SERPINB13: variants seen among roughly 807,000 people sequenced by gnomAD.
The protein encoded by SERPINB13 is serpin family B member 13, also known as serpin B13.
A neutral mutation model predicts 31.2 loss-of-function variants in SERPINB13; 26 were observed. That is an observed-to-expected ratio of 0.83 (90% CI 0.61 to 1.15). SERPINB13 has a LOEUF of 1.15. SERPINB13 is among the 50% of genes most tolerant of loss of function. SERPINB13 has a pLI of 0.00. For missense variants in SERPINB13, 510 were observed against 469.4 expected, an observed-to-expected ratio of 1.09 and a Z score of -0.80; for synonymous variants, 191 against 172.4, an observed-to-expected ratio of 1.11 and a Z score of -0.85.
chr18:63,590,872 G>C (rs912026482), intron 3 of SERPINB13, among the ~76,000 whole-genome samples: 1 of 152,190 alleles, frequency 6.6e-6, no homozygotes, highest in African/African-American at 2.4e-5. Context: ...ATACATCTTA[G>C]AGGTCATCTA....
chr18:63,587,810 C>T lies in SERPINB13; in HGVS notation c.-18+360C>T, dbSNP rs1039809964. On this transcript the variant is annotated intron_variant, in intron 1 of 7. Transcript: ENST00000344731. ...TCTTGTTTTAGGATTCCTCCTAAAG[C>T]CTTTACTTACTAGTTTTAAAGTAGT... 3.9e-4 allele frequency among the ~76,000 whole-genome samples: 59 copies of T among 152,290 alleles called. 1 individual carries two copies. The highest frequency in any genetic ancestry group is 1.3e-3 in the African/African-American group (54 of 41,564).
At chr18:63,593,123 A>G (rs1020091056) in intron 5 of SERPINB13, 152 bp downstream of exon 5, 7 of 589,376 alleles carry the variant, frequency 1.2e-5, no homozygotes, top group Non-Finnish European at 2.1e-5. Flanking sequence ...AAGGGACTTG[A>G]GATAGGTTTT....
In SERPINB13 at chr18:63,591,408, T is replaced by TTTCC. The variant is rs796398994; in HGVS notation, c.226-919_226-916dup. Among the ~76,000 whole-genome samples the TTTCC allele has an allele frequency of 4.0e-3, 471 of 118,776 alleles. 1 individual carries two copies. Among genetic ancestry groups the TTTCC allele is most frequent in the African/African-American group, 0.011 (405 of 37,870 alleles). The allele number at this position is 118,776 out of a possible 152,430, so 77.9% of individuals were successfully genotyped here. A position where few individuals can be genotyped will look rare whatever the true frequency, so the allele number is the denominator to read the frequency against. On this transcript the variant is annotated intron_variant, in intron 3 of 7. Coordinates refer to ENST00000344731, the MANE Select transcript of SERPINB13 (RefSeq NM_012397.4). ...CCTTCCCTCCTTCCTTCCTTTTTTC[T>TTTCC]TTCCTTCCTTCCTTCCTTCCTTCCC...
At chr18:63,594,987 C>T in intron 6 of SERPINB13, 42 bp from the exon 7 acceptor site, 1 of 1,563,642 alleles carries the variant, frequency 6.4e-7, no homozygotes, top group African/African-American at 1.4e-5. Context: ...TGCCTTTGGT[C>T]TTATGTCCTT....
At chr18:63,589,957 A>G in intron 3 of SERPINB13, 1 of 709,430 alleles carries the variant, frequency 1.4e-6, no homozygotes, top group East Asian at 3.2e-5. Context: ...TACCGCTATG[A>G]TAGAACTGGT....
At chr18:63,590,374 G>A (rs576584022) in intron 3 of SERPINB13, among the ~76,000 whole-genome samples, 2 of 152,144 alleles carry the variant, frequency 1.3e-5, no homozygotes, top group Non-Finnish European at 2.9e-5. Context: ...CTCAGGAAGG[G>A]CACAGCTGCT....
intron 1 of SERPINB13, 34 bp from the exon 2 acceptor site, chr18:63,588,617 T>A (rs748239100): frequency 6.3e-7 from 1 of 1,592,184 alleles, no homozygotes; most frequent in Non-Finnish European, 8.6e-7. Context: ...GTAATTCAAA[T>A]GTTCAGTTTT....
chr18:63,589,082 C>T (rs961586300), intron 2 of SERPINB13, among the ~76,000 whole-genome samples: 3 of 152,050 alleles, frequency 2.0e-5, no homozygotes, highest in East Asian at 1.9e-4. Context: ...GTAACCTTGT[C>T]CAAGTACTTA....
Position 63,594,489 on chromosome 18 carries a change from A to G in SERPINB13, c.607A>G (p.Met203Val). The change falls in exon 6 of 8, where the codon ATG becomes GTG. Residue 203 changes from methionine (M) to valine (V), a missense_variant. Met to Val is a conservative substitution (Grantham distance 21, BLOSUM62 1). Coordinates refer to ENST00000344731, the MANE Select transcript of SERPINB13 (RefSeq NM_012397.4). ...AAATACTAAGGAAGAGAAATTTTGG[A>G]TGAATAAGGTATGGCCCTTAGTTTA... ...KENTKEEKFW[M>V]NKSTSKSVQM... 2.5e-6 allele frequency: 4 copies of G among 1,613,890 alleles called. No homozygotes were observed. Among genetic ancestry groups the G allele is most frequent in the Non-Finnish European group, 3.4e-6 (4 of 1,179,878 alleles).
rs373199374 is a variant in SERPINB13, at chr18:63,588,623, G to A, written c.-17-28G>A. 2.8e-5 allele frequency: 45 copies of A among 1,606,690 alleles called. 1 individual carries two copies. Among genetic ancestry groups the A allele is most frequent in the Non-Finnish European group, 3.4e-5 (40 of 1,173,864 alleles). ...TGACACAGAGTAATTCAAATGTTCA[G>A]TTTTGATTGTTGTTCTTGCTATTCT... On this transcript the variant is annotated intron_variant, in intron 1 of 7. Coordinates refer to ENST00000344731, the MANE Select transcript of SERPINB13 (RefSeq NM_012397.4).
chr18:63,592,796 G>T, intron 4 of SERPINB13, 58 bp from the exon 5 acceptor site: 1 of 1,082,466 alleles, frequency 9.2e-7, no homozygotes, highest in Non-Finnish European at 1.4e-6. Flanking sequence ...TAGAGATGTT[G>T]GCAATTGATA....
chr18:63,598,938 C>T lies in SERPINB13; in HGVS notation c.*1575C>T, dbSNP rs544475201. ...AGGATTGTGTCTTTATGATTATAGC[C>T]ATTTTTGTAGGTACAAAGTGGCATC... On this transcript the variant is annotated 3_prime_UTR_variant, in exon 8 of 8. Coordinates refer to ENST00000344731, the MANE Select transcript of SERPINB13 (RefSeq NM_012397.4). The T allele has an allele frequency of 6.6e-6, 1 of 152,246 alleles. No individual in the cohort carries two copies. Among genetic ancestry groups the T allele is most frequent in the East Asian group, 1.9e-4 (1 of 5,190 alleles). The allele number at this position is 152,246 out of a possible 1,614,324, so 9.4% of individuals were successfully genotyped here.
chr18:63,591,975 G>A (rs1911879936), intron 3 of SERPINB13, among the ~76,000 whole-genome samples: 1 of 152,048 alleles, frequency 6.6e-6, no homozygotes, highest in Non-Finnish European at 1.5e-5. Flanking sequence ...CAATAGATAA[G>A]AATCGTCCGG....
chr18:63,597,955 T>A lies in SERPINB13; in HGVS notation c.*592T>A, dbSNP rs1303481327. The A allele has an allele frequency of 6.6e-6, 1 of 152,432 alleles. No individual in the cohort carries two copies. Among genetic ancestry groups the A allele is most frequent in the Non-Finnish European group, 1.5e-5 (1 of 68,200 alleles). 9.4% of individuals were successfully genotyped at this position (152,432 alleles called of 1,614,324 possible). A position where few individuals can be genotyped will look rare whatever the true frequency, so the allele number is the denominator to read the frequency against. ...CTAACATTATCCATTGTTAGATGCATAAGCATTTTGATATTGTGTAATAAA... is the reference window on the plus strand; with the variant it reads ...CTAACATTATCCATTGTTAGATGCAAAAGCATTTTGATATTGTGTAATAAA... On this transcript the variant is annotated 3_prime_UTR_variant, in exon 8 of 8. Transcript: ENST00000344731.
In SERPINB13 at chr18:63,594,855, T is replaced by C. The variant is rs540508572; in HGVS notation, c.616-174T>C. Among the ~76,000 whole-genome samples the C allele has an allele frequency of 1.5e-4, 23 of 151,860 alleles. No individual in the cohort carries two copies. In the South Asian group the frequency reaches 4.4e-3, roughly 29 times the overall value. ...TCCATCCCCCACCCCCCCAAAAAAATCTAAAGTCATATTTGAGCAAATGCA... is the reference window on the plus strand; with the variant it reads ...TCCATCCCCCACCCCCCCAAAAAAACCTAAAGTCATATTTGAGCAAATGCA... On this transcript the variant is annotated intron_variant, in intron 6 of 7. Transcript: ENST00000344731.
intron 3 of SERPINB13, among the ~76,000 whole-genome samples, chr18:63,590,336 G>A (rs570846953): frequency 2.0e-5 from 3 of 152,174 alleles, no homozygotes; most frequent in Non-Finnish European, 4.4e-5. Flanking sequence ...AGCCCATTAG[G>A]TCGGGGCTAG....
chr18:63,596,730 T>A (rs1462089661), intron 7 of SERPINB13, among the ~76,000 whole-genome samples: 1 of 152,220 alleles, frequency 6.6e-6, no homozygotes, highest in Non-Finnish European at 1.5e-5. Context: ...TTATTTTTAA[T>A]CTTTAAAAAT....
intron 6 of SERPINB13, 50 bp downstream of exon 6, chr18:63,594,547 G>A (rs757395388): frequency 1.9e-6 from 3 of 1,592,518 alleles, no homozygotes; most frequent in South Asian, 1.1e-5. Context: ...GGAATGTAAA[G>A]TCTAAAGTCA....
intron 6 of SERPINB13, 121 bp downstream of exon 6, chr18:63,594,618 A>C (rs1912052916): frequency 9.9e-7 from 1 of 1,013,048 alleles, no homozygotes; most frequent in Admixed American, 2.3e-5. Context: ...AGGTGGGTGG[A>C]TCATGAGATC....
Sources: allele counts gnomAD v4.1 joint callset (sites outside exome capture counted in the v4.1 genomes callset), GRCh38; gene constraint gnomAD v4.1.1; transcripts MANE v1.5; gene names NCBI Gene and HGNC (gene_info 2026-07-23, HGNC 2026-07-21).